Variants in SPTB observed in about 807,000 individuals in gnomAD.
SPTB encodes the protein spectrin beta chain, erythrocytic.
SPTB carries 45 observed loss-of-function variants against 256.2 expected under a neutral mutation model. The ratio of observed to expected loss-of-function variants is 0.18; its 90% CI spans 0.14 to 0.23. The LOEUF is 0.23. Among genes scored for constraint, SPTB ranks in the 10% least tolerant of loss-of-function variants. The pLI is 1.00. For missense variants in SPTB, 2,715 were observed against 3,040.4 expected (o/e 0.89, Z 2.52); for synonymous variants, 1,231 against 1,243.1 (o/e 0.99, Z 0.21).
intron 31 of SPTB, among the ~76,000 whole-genome samples, 170 bp from the exon 32 acceptor site, chr14:64,766,971 C>T (rs901310273): frequency 3.9e-5 from 6 of 152,148 alleles, no homozygotes; most frequent in African/African-American, 7.2e-5. Flanking sequence ...GCGACTTCTT[C>T]GGAAAAGCCA....
intron 23 of SPTB, 147 bp from the exon 24 acceptor site, chr14:64,774,674 C>A (rs1338652886): frequency 1.6e-6 from 2 of 1,241,304 alleles, no homozygotes; most frequent in Non-Finnish European, 2.3e-6. Flanking sequence ...ATGCTTCCTT[C>A]CTGCCCTTCT....
chr14:64,841,740 C>T lies in SPTB; in HGVS notation c.-51-18595G>A, dbSNP rs1275307010. ...ATCTCCCAGCTGCCCTCTGACATCC[C>T]ATATATATATATATATTTTTTAAGG... is the stretch of plus-strand genomic sequence containing the variant. On this transcript the variant is annotated intron_variant, in intron 1 of 35. Transcript: ENST00000644917. The surrounding 1 kb of genome is among the most constrained non-coding windows in gnomAD (Gnocchi z 4.6). Among the ~76,000 whole-genome samples, 5 of 109,102 alleles carry T rather than the reference C, an allele frequency of 4.6e-5. No individual in the cohort carries two copies. Among genetic ancestry groups the T allele is most frequent in the African/African-American group, 2.5e-4 (5 of 19,942 alleles). 71.6% of individuals were successfully genotyped at this position (109,102 alleles called of 152,430 possible). A position where few individuals can be genotyped will look rare whatever the true frequency, so the allele number is the denominator to read the frequency against.
chr14:64,809,547 A>C (rs1209452554), intron 2 of SPTB, among the ~76,000 whole-genome samples: 1 of 152,066 alleles, frequency 6.6e-6, no homozygotes, highest in Non-Finnish European at 1.5e-5. Flanking sequence ...GGGTTTCGCC[A>C]TATTGGCCAG....
In SPTB at chr14:64,754,153, G is replaced by A. The variant is rs534336967; in HGVS notation, c.6346-360C>T. On this transcript the variant is annotated intron_variant, in intron 32 of 35. Transcript: ENST00000644917. The stretch of plus-strand genomic sequence containing the variant: ...GGGGGGGCAGGTTCCAATGCTGCTG[G>A]CAAAGCTCTGGCCCCTCCCCTTGCT... The A allele has an allele frequency of 2.3e-5, 9 of 394,628 alleles. No homozygotes were observed. In the East Asian group the frequency reaches 4.5e-4, roughly 20 times the overall value. 24.4% of individuals were successfully genotyped at this position (394,628 alleles called of 1,614,324 possible).
chr14:64,851,409 G>T (rs2083783237), intron 1 of SPTB, among the ~76,000 whole-genome samples: 1 of 152,104 alleles, frequency 6.6e-6, no homozygotes, highest in Non-Finnish European at 1.5e-5. Flanking sequence ...AAAATACCCA[G>T]AACAATGCCT....
At chr14:64,784,924 C>T (rs1327672126) in intron 18 of SPTB, among the ~76,000 whole-genome samples, 1 of 152,142 alleles carries the variant, frequency 6.6e-6, no homozygotes, top group African/African-American at 2.4e-5. Context: ...CCTGGGAAGG[C>T]GGATTAAAGA....
intron 32 of SPTB, among the ~76,000 whole-genome samples, chr14:64,765,132 A>G (rs888493484): frequency 1.3e-5 from 2 of 151,902 alleles, no homozygotes; most frequent in African/African-American, 4.8e-5. Flanking sequence ...GGGAGGCCTC[A>G]CTATCTGTAT....
rs759053788 is a variant in SPTB at position 64,785,665 on chromosome 14, GAGCTTGGGGTCCTCACCA to G, written c.3765-56_3765-39del. 1.6e-5 allele frequency: 25 copies of G among 1,612,372 alleles called. No homozygotes were observed. The highest frequency in any genetic ancestry group is 8.9e-5 in the East Asian group (4 of 44,868). ...CCAAAAGCACAGTCACAATAGTGCCGAGCTTGGGGTCCTCACCAAGCTTGGGGTCCTCACTACCCCCGT... is the reference window on the plus strand; with the variant it reads ...CCAAAAGCACAGTCACAATAGTGCCGAGCTTGGGGTCCTCACTACCCCCGT... On this transcript the variant is annotated intron_variant, in intron 17 of 35. Transcript: ENST00000644917. This position sits in a 1 kb window ranked among gnomAD's most constrained non-coding sequence, Gnocchi z 4.4.
chr14:64,786,305 AG>A lies in SPTB; in HGVS notation c.3561+98del. 1 of 1,471,506 alleles carries A rather than the reference AG, an allele frequency of 6.8e-7. No individual in the cohort carries two copies. Among genetic ancestry groups the A allele is most frequent in the African/African-American group, 1.4e-5 (1 of 72,294 alleles). The allele number at this position is 1,471,506 out of a possible 1,614,324, so 91.2% of individuals were successfully genotyped here. On this transcript the variant is annotated intron_variant, in intron 16 of 35. Coordinates refer to ENST00000644917, the MANE Select transcript of SPTB (RefSeq NM_001355436.2). This position sits in a 1 kb window ranked among gnomAD's most constrained non-coding sequence, Gnocchi z 5.6. ...GAGTGAATACAGAGTACAAGACAAG[AG>A]TAATGTGGTCCCTGAGTCTTACAGC...
intron 18 of SPTB, among the ~76,000 whole-genome samples, chr14:64,784,705 C>T (rs891106567): frequency 1.3e-5 from 2 of 152,190 alleles, no homozygotes; most frequent in South Asian, 2.1e-4. Flanking sequence ...AGGAACCCAA[C>T]GAGTGTTTAC....
chr14:64,775,371 C>G lies in SPTB; in HGVS notation c.4596G>C (p.Pro1532=), dbSNP rs201438257. Residue 1532 remains proline, a synonymous_variant, in exon 23 of 36, where the codon CCG becomes CCC. Transcript: ENST00000644917. The surrounding 1 kb of genome is among the most constrained non-coding windows in gnomAD (Gnocchi z 5.0). ...TLQNEILGHT[P]RVEDVLQRGQ... ...CTCTCTGCAGCACATCCTCAACCCG[C>G]GGCGTATGGCCCAGAATCTCATTCT... 1 of 1,613,054 alleles carries G rather than the reference C, an allele frequency of 6.2e-7. No individual in the cohort carries two copies. Among genetic ancestry groups the G allele is most frequent in the East Asian group, 2.2e-5 (1 of 44,866 alleles).
At chr14:64,755,860 G>C (rs1376671019) in intron 32 of SPTB, 5 of 152,174 alleles carry the variant, frequency 3.3e-5, no homozygotes, top group Admixed American at 1.3e-4. Context: ...AAATTCCTAC[G>C]AGATATGCAC....
rs1057279046 is a variant in SPTB at position 64,747,822 on chromosome 14, C to G, written c.*1484G>C. 7.1e-6 allele frequency: 1 copy of G among 141,564 alleles called. No homozygotes were observed. The highest frequency in any genetic ancestry group is 2.6e-5 in the African/African-American group (1 of 39,048). 8.8% of individuals were successfully genotyped at this position (141,564 alleles called of 1,614,324 possible). On this transcript the variant is annotated 3_prime_UTR_variant, in exon 36 of 36. Coordinates refer to ENST00000644917, the MANE Select transcript of SPTB (RefSeq NM_001355436.2). ...TCCGCCCTCCCCCCCACCCCCGACCCGCTTGACTGCTCTCTTGGACCTAAC... is the reference window on the plus strand; with the variant it reads ...TCCGCCCTCCCCCCCACCCCCGACCGGCTTGACTGCTCTCTTGGACCTAAC...
At chr14:64,771,866 GGGCTGGCCT>G (rs762616801) in intron 26 of SPTB, among the ~76,000 whole-genome samples, 2 of 152,198 alleles carry the variant, frequency 1.3e-5, no homozygotes, top group Non-Finnish European at 2.9e-5. Flanking sequence ...AAGCCCTGCA[GGGCTGGCCT>G]GGGATTGCGC....
intron 2 of SPTB, among the ~76,000 whole-genome samples, chr14:64,821,810 C>T (rs756377990): frequency 6.6e-6 from 1 of 152,024 alleles, no homozygotes; most frequent in Non-Finnish European, 1.5e-5. Flanking sequence ...GATGAGACAC[C>T]GCAGCATTCC....
rs776233124 is a variant in SPTB, at chr14:64,753,584, C to T, written c.6555G>A (p.Leu2185=). ...HGQSVQMEGY[L]GRKHDLEGPN... ...GCCCCTCCAGGTCATGCTTGCGGCC[C>T]AGGTAGCCTTCCATCTGCACACTCT... Residue 2185 remains leucine, a synonymous_variant, in exon 33 of 36, where the codon CTG becomes CTA. Transcript: ENST00000644917. The T allele has an allele frequency of 1.9e-6, 3 of 1,613,614 alleles. No homozygotes were observed. The highest frequency in any genetic ancestry group is 1.7e-6 in the Non-Finnish European group (2 of 1,180,030).
chr14:64,793,827 G>A lies in SPTB; in HGVS notation c.1836C>T (p.Ile612=). The A allele has an allele frequency of 6.2e-7, 1 of 1,611,116 alleles. No homozygotes were observed. Among genetic ancestry groups the A allele is most frequent in the Non-Finnish European group, 8.5e-7 (1 of 1,179,954 alleles). The change falls in exon 14 of 36, where the codon ATC becomes ATT. Residue 612 remains isoleucine, a synonymous_variant. Transcript: ENST00000644917. The surrounding 1 kb of genome is among the most constrained non-coding windows in gnomAD (Gnocchi z 7.0). ...CCTCAAAGCACTGCTCCAAGTGGCT[G>A]ATGCGGTCCTGGATGACCTGGGGGT... ...PCDPQVIQDR[I]SHLEQCFEEL...
rs752861013 is a variant in SPTB at position 64,767,273 on chromosome 14, C to G, written c.6269+30G>C. The G allele has an allele frequency of 8.1e-6, 13 of 1,613,566 alleles. No individual in the cohort carries two copies. The South Asian group carries it at 1.3e-4, about 16-fold the overall frequency. ...CCCTACTCCCACTTGGCAGAGCATT[C>G]AGCTCCCTGGACACACGGCCACCAC... On this transcript the variant is annotated intron_variant, in intron 31 of 35. Transcript: ENST00000644917.
Position 64,786,322 on chromosome 14 carries a change from G to A in SPTB, c.3561+82C>T. ...AAGACAAGAGTAATGTGGTCCCTGA[G>A]TCTTACAGCACATTTGTGGACTCAC... On this transcript the variant is annotated intron_variant, in intron 16 of 35. Transcript: ENST00000644917. The surrounding 1 kb of genome is among the most constrained non-coding windows in gnomAD (Gnocchi z 5.6). 12 of 1,561,984 alleles carry A rather than the reference G, an allele frequency of 7.7e-6. No individual in the cohort carries two copies. The highest frequency in any genetic ancestry group is 2.2e-5 in the East Asian group (1 of 44,672).
Sources: gnomAD v4.1 joint callset for allele counts (sites outside exome capture counted in the v4.1 genomes callset) on GRCh38, gnomAD v4.1.1 for gene constraint, Gnocchi (gnomAD v3.1) non-coding constraint, MANE v1.5 for transcripts, NCBI Gene and HGNC (gene_info 2026-07-23, HGNC 2026-07-21) for gene names.